RIMBP2: variants seen among roughly 807,000 people sequenced by gnomAD.
RIMBP2 encodes the protein RIMS-binding protein 2.
RIMBP2 carries 48 observed loss-of-function variants against 118.6 expected under a neutral mutation model. The observed-to-expected ratio is 0.40, with a 90% CI of 0.32 to 0.51. RIMBP2 has a LOEUF of 0.51. Ranked by LOEUF, RIMBP2 falls within the 20% of genes least tolerant of loss-of-function variation. The pLI is 0.41. For synonymous variants in RIMBP2, 762 were observed against 742.9 expected (o/e 1.03, Z -0.42); for missense variants, 1,551 against 1,768.3 (o/e 0.88, Z 2.20).
At chr12:130,643,025 C>G (rs1594129112) in intron 1 of RIMBP2, among the ~76,000 whole-genome samples, 1 of 152,346 alleles carries the variant, frequency 6.6e-6, no homozygotes, top group East Asian at 1.9e-4. Flanking sequence ...TGGACACATT[C>G]CAAATCCCTG....
intron 6 of RIMBP2, among the ~76,000 whole-genome samples, chr12:130,466,909 C>T (rs2080529812): frequency 6.6e-6 from 1 of 152,252 alleles, no homozygotes; most frequent in Non-Finnish European, 1.5e-5. Flanking sequence ...GACAATTCCT[C>T]TGCCTCCCTC....
chr12:130,649,626 C>A (rs550056546), intron 1 of RIMBP2, among the ~76,000 whole-genome samples: 1 of 152,294 alleles, frequency 6.6e-6, no homozygotes, highest in African/African-American at 2.4e-5. Context: ...ACATAGGAGA[C>A]CCCCAAACAA....
chr12:130,406,028 C>T (rs1184726336), intron 21 of RIMBP2, 144 bp downstream of exon 21: 5 of 620,860 alleles, frequency 8.1e-6, no homozygotes, highest in Admixed American at 3.0e-5. Flanking sequence ...AGTTCTATAA[C>T]TCAGCCAATT....
chr12:130,665,687 G>A (rs940481015), intron 1 of RIMBP2, among the ~76,000 whole-genome samples: 1 of 152,002 alleles, frequency 6.6e-6, no homozygotes, highest in Non-Finnish European at 1.5e-5. Flanking sequence ...CAGGTTAAAG[G>A]GGATTAACTG....
chr12:130,571,416 ATT>A (rs1555294909), intron 2 of RIMBP2, among the ~76,000 whole-genome samples: 6 of 104,268 alleles, frequency 5.8e-5, no homozygotes, highest in African/African-American at 1.3e-4. Context: ...CCATAGTAAC[ATT>A]TTTTTTTTTT....
intron 2 of RIMBP2, among the ~76,000 whole-genome samples, chr12:130,625,842 C>T (rs1017305971): frequency 6.6e-6 from 1 of 152,122 alleles, no homozygotes; most frequent in Non-Finnish European, 1.5e-5. Context: ...CCTAGGAGGA[C>T]TGATTGGCTT....
At chr12:130,636,588 A>G (rs10848164) in intron 1 of RIMBP2, among the ~76,000 whole-genome samples, 91,764 of 152,006 alleles carry the variant, frequency 0.6, 28,566 homozygotes, top group Admixed American at 0.68. Flanking sequence ...CCCAGTGTTG[A>G]GTATGTGCCA....
rs918925864 is a variant in RIMBP2, at chr12:130,428,078, G to A, written c.2412+101C>T. On this transcript the variant is annotated intron_variant, in intron 15 of 22. Coordinates refer to ENST00000690449, the MANE Select transcript of RIMBP2 (RefSeq NM_001393629.1). The stretch of plus-strand genomic sequence containing the variant: ...AAATCCGAGGGCTACTGGTTGTAGG[G>A]CAAGGCCCCTCTGGAGCCTGCCTCA... The A allele has an allele frequency of 6.0e-6, 7 of 1,164,224 alleles. No homozygotes were observed. The African/African-American group carries it at 6.3e-5, about 10-fold the overall frequency. 72.1% of individuals were successfully genotyped at this position (1,164,224 alleles called of 1,614,324 possible).
rs957177730 is a variant in RIMBP2 at position 130,511,428 on chromosome 12, G to A, written c.-126-4658C>T. Among the ~76,000 whole-genome samples, 2 of 152,210 alleles carry A rather than the reference G, an allele frequency of 1.3e-5. No homozygotes were observed. Among genetic ancestry groups the A allele is most frequent in the African/African-American group, 4.8e-5 (2 of 41,452 alleles). On this transcript the variant is annotated intron_variant, in intron 3 of 22. Coordinates refer to ENST00000690449, the MANE Select transcript of RIMBP2 (RefSeq NM_001393629.1). The surrounding 1 kb of genome is among the most constrained non-coding windows in gnomAD (Gnocchi z 4.3). ...CGTTACCGCGAGCACGCGTCGAATTGTCACTCTACACCAACAACTGGCATC... is the reference window on the plus strand; with the variant it reads ...CGTTACCGCGAGCACGCGTCGAATTATCACTCTACACCAACAACTGGCATC...
At chr12:130,571,416 A>ATATTTT (rs1555294910) in intron 2 of RIMBP2, among the ~76,000 whole-genome samples, 1 of 104,298 alleles carries the variant, frequency 9.6e-6, no homozygotes. Context: ...CCATAGTAAC[A>ATATTTT]TTTTTTTTTT....
chr12:130,587,756 C>G (rs1214697577), intron 2 of RIMBP2, among the ~76,000 whole-genome samples: 1 of 138,634 alleles, frequency 7.2e-6, no homozygotes, highest in Non-Finnish European at 1.5e-5. Flanking sequence ...GTGCAGCGCA[C>G]CAGCCTGGCA....
chr12:130,661,649 T>A (rs11830126), intron 1 of RIMBP2, among the ~76,000 whole-genome samples: 45,753 of 152,018 alleles, frequency 0.3, 7,200 homozygotes, highest in Middle Eastern at 0.37. Context: ...CTACACGCAA[T>A]GACCCTATCA....
intron 2 of RIMBP2, among the ~76,000 whole-genome samples, chr12:130,573,646 TG>T (rs988957323): frequency 1.6e-4 from 25 of 151,946 alleles, no homozygotes; most frequent in African/African-American, 6.0e-4. Flanking sequence ...GACCCCCACC[TG>T]GGGGGGTGAT....
At chr12:130,444,215 T>C (rs1322458848) in intron 10 of RIMBP2, among the ~76,000 whole-genome samples, 3 of 152,150 alleles carry the variant, frequency 2.0e-5, no homozygotes, top group African/African-American at 7.2e-5. Context: ...CTACCAACTG[T>C]GGTGAGAGTT....
chr12:130,421,932 G>A (rs912900327), intron 17 of RIMBP2, among the ~76,000 whole-genome samples: 2 of 152,234 alleles, frequency 1.3e-5, no homozygotes, highest in African/African-American at 4.8e-5. Flanking sequence ...AATGCCAGAT[G>A]ACGACTCATG....
intron 2 of RIMBP2, among the ~76,000 whole-genome samples, chr12:130,571,065 T>C (rs547788524): frequency 4.9e-4 from 74 of 152,272 alleles, no homozygotes; most frequent in Non-Finnish European, 9.1e-4. Context: ...AAAAACGTGC[T>C]GCGGTCATTG....
intron 2 of RIMBP2, among the ~76,000 whole-genome samples, chr12:130,559,976 C>T (rs773759205): frequency 6.6e-6 from 1 of 152,204 alleles, no homozygotes; most frequent in Admixed American, 6.5e-5. Context: ...CACTCTGCCC[C>T]CAGTTTACAG....
At chr12:130,562,632 T>A (rs182012503) in intron 2 of RIMBP2, among the ~76,000 whole-genome samples, 19 of 152,280 alleles carry the variant, frequency 1.2e-4, no homozygotes, top group Admixed American at 1.2e-3. Context: ...TTGGATCACA[T>A]CCCCTATCCA....
chr12:130,430,843 C>A (rs540646531), intron 14 of RIMBP2, among the ~76,000 whole-genome samples: 1 of 152,088 alleles, frequency 6.6e-6, no homozygotes, highest in South Asian at 2.1e-4. Flanking sequence ...GTTGGCCTGG[C>A]TGGTCTCAAA....
Sources: gnomAD v4.1 joint callset for allele counts (sites outside exome capture counted in the v4.1 genomes callset) on GRCh38, gnomAD v4.1.1 for gene constraint, Gnocchi (gnomAD v3.1) non-coding constraint, MANE v1.5 for transcripts, NCBI Gene and HGNC (gene_info 2026-07-23, HGNC 2026-07-21) for gene names.